KCTD15: variants seen among roughly 807,000 people sequenced by gnomAD.
The protein encoded by KCTD15 is potassium channel tetramerization domain containing 15, also known as BTB/POZ domain-containing protein KCTD15.
A neutral mutation model predicts 27.2 loss-of-function variants in KCTD15; 11 were observed. The observed-to-expected ratio is 0.41, with a 90% CI of 0.25 to 0.67. The LOEUF (loss-of-function observed/expected upper bound fraction) is 0.67. Among genes scored for constraint, KCTD15 ranks in the 30% least tolerant of loss-of-function variants. KCTD15 has a pLI of 0.35. For synonymous variants in KCTD15, 163 were observed against 176.0 expected, an observed-to-expected ratio of 0.93 and a Z score of 0.58; for missense variants, 350 against 409.3, an observed-to-expected ratio of 0.86 and a Z score of 1.25.
intron 2 of KCTD15, among the ~76,000 whole-genome samples, chr19:33,799,910 C>T (rs983875180): frequency 5.3e-5 from 8 of 152,130 alleles, no homozygotes; most frequent in African/African-American, 1.9e-4. Flanking sequence ...TGAACGGCTT[C>T]CCTGTGTCTG....
rs537203646 is a variant in KCTD15, at chr19:33,810,699, G to GA, written c.388-539dup. 8.7e-3 allele frequency among the ~76,000 whole-genome samples: 1,284 copies of GA among 148,350 alleles called. 18 individuals carry two copies. Among genetic ancestry groups the GA allele is most frequent in the African/African-American group, 0.03 (1,221 of 40,076 alleles). ...ACAAAAAAAAAAAACAAAAAAAAAC[G>GA]AAAAAAAAACCAAGAGGCTCAGTTA... On this transcript the variant is annotated intron_variant, in intron 5 of 6. Transcript: ENST00000683859.
chr19:33,797,265 TGTGTGTGTGTGTGTGTGTGC>T (rs1333778601), intron 1 of KCTD15: 14 of 294,588 alleles, frequency 4.8e-5, no homozygotes, highest in Non-Finnish European at 7.3e-5. Context: ...TGTGTGTGTG[TGTGTGTGTGTGTGTGTGTGC>T]GCGCGCGCGC....
chr19:33,807,274 T>C (rs1975742762), intron 5 of KCTD15, among the ~76,000 whole-genome samples: 1 of 152,264 alleles, frequency 6.6e-6, no homozygotes, highest in South Asian at 2.1e-4. Context: ...GCCAGCGTTA[T>C]AGTAGTTAGA....
intron 4 of KCTD15, among the ~76,000 whole-genome samples, chr19:33,806,222 C>T (rs888198784): frequency 1.3e-5 from 2 of 151,936 alleles, no homozygotes; most frequent in African/African-American, 2.4e-5. Flanking sequence ...CCTGAGTGAG[C>T]GGCAGTAGGG....
At chr19:33,811,177 T>TA in intron 5 of KCTD15, 70 bp from the exon 6 acceptor site, 9 of 786,082 alleles carry the variant, frequency 1.1e-5, no homozygotes, top group East Asian at 6.5e-5. Flanking sequence ...GCAGGCCGCC[T>TA]CCCCTCTCCC....
At chr19:33,810,513 C>G (rs77108632) in intron 5 of KCTD15, among the ~76,000 whole-genome samples, 2 of 151,994 alleles carry the variant, frequency 1.3e-5, no homozygotes, top group African/African-American at 2.4e-5. Flanking sequence ...AACCCCATCT[C>G]TACTAAAAAC....
rs1445933303 is a variant in KCTD15, at chr19:33,813,340, T to G, written c.*392T>G. On this transcript the variant is annotated 3_prime_UTR_variant, in exon 7 of 7. Coordinates refer to ENST00000683859, the MANE Select transcript of KCTD15 (RefSeq NM_001129994.2). ...GCAGACTCTGGCGGGTCTCCTAGCG[T>G]CCGAGAGATGGCTTATTTTCTACAG... is the stretch of plus-strand genomic sequence containing the variant. 2 of 468,804 alleles carry G rather than the reference T, an allele frequency of 4.3e-6. No homozygotes were observed. Among genetic ancestry groups the G allele is most frequent in the Non-Finnish European group, 8.1e-6 (2 of 247,532 alleles). 29.0% of individuals were successfully genotyped at this position (468,804 alleles called of 1,614,324 possible).
chr19:33,809,153 T>C (rs141587255), intron 5 of KCTD15, among the ~76,000 whole-genome samples: 3,005 of 152,148 alleles, frequency 0.02, 48 homozygotes, highest in Non-Finnish European at 0.032. Flanking sequence ...GGTGTGCACC[T>C]GTAGTCCCAG....
chr19:33,800,305 G>C, intron 2 of KCTD15, 123 bp from the exon 3 acceptor site: 1 of 740,282 alleles, frequency 1.4e-6, no homozygotes, highest in South Asian at 1.7e-5. Flanking sequence ...AATCAGGGAG[G>C]GCTGCATGGA....
Position 33,798,088 on chromosome 19 carries a change from GA to G in KCTD15, c.-126-579del, listed in dbSNP as rs1275410606. Among the ~76,000 whole-genome samples, 245 of 151,688 alleles carry G rather than the reference GA, an allele frequency of 1.6e-3. 1 individual carries two copies. Among genetic ancestry groups the G allele is most frequent in the African/African-American group, 4.4e-3 (183 of 41,204 alleles). On this transcript the variant is annotated intron_variant, in intron 1 of 6. Coordinates refer to ENST00000683859, the MANE Select transcript of KCTD15 (RefSeq NM_001129994.2). Reference sequence around the variant, plus strand: ...CCGGCTGGCTCCGCGGCGGAGGCGGGAGGGGGGGGGTGGGGAGGCTGGCGCG... The same window carrying G: ...CCGGCTGGCTCCGCGGCGGAGGCGGGGGGGGGGGGTGGGGAGGCTGGCGCG...
At chr19:33,812,347 C>G (rs1039550804) in intron 6 of KCTD15, 5 of 1,022,288 alleles carry the variant, frequency 4.9e-6, no homozygotes, top group Non-Finnish European at 4.7e-6. Flanking sequence ...ACCTGGAATG[C>G]ACAGCTCAGG....
chr19:33,807,522 G>A (rs1359080452), intron 5 of KCTD15, among the ~76,000 whole-genome samples: 3 of 152,226 alleles, frequency 2.0e-5, no homozygotes, highest in African/African-American at 7.2e-5. Flanking sequence ...AGGAGTTTGA[G>A]ACCAGCCTGG....
intron 4 of KCTD15, 61 bp from the exon 5 acceptor site, chr19:33,806,802 G>C: frequency 6.3e-7 from 1 of 1,580,934 alleles, no homozygotes; most frequent in South Asian, 1.1e-5. Context: ...GGCGGGGTGT[G>C]GGAAGACAGG....
At chr19:33,807,960 A>T (rs1394103192) in intron 5 of KCTD15, among the ~76,000 whole-genome samples, 1 of 150,910 alleles carries the variant, frequency 6.6e-6, no homozygotes, top group African/African-American at 2.5e-5. Flanking sequence ...AAAAAAAAAA[A>T]TCTGTTCTGT....
At chr19:33,805,731 T>A (rs1397307049) in intron 4 of KCTD15, among the ~76,000 whole-genome samples, 1 of 152,144 alleles carries the variant, frequency 6.6e-6, no homozygotes, top group Non-Finnish European at 1.5e-5. Context: ...TCCCTCCTGT[T>A]CCCAAACCAA....
intron 2 of KCTD15, among the ~76,000 whole-genome samples, chr19:33,799,224 G>A (rs988935852): frequency 6.6e-6 from 1 of 152,104 alleles, no homozygotes; most frequent in African/African-American, 2.4e-5. Context: ...GGGCACTCAG[G>A]GAGAGCAACC....
rs757561501 is a variant in KCTD15, at chr19:33,797,283, TGCGCGCGC to T, written c.-127+309_-127+316del. The T allele has an allele frequency of 6.3e-4, 76 of 120,596 alleles. 10 individuals are homozygous for T. Among genetic ancestry groups the T allele is most frequent in the South Asian group, 1.1e-3 (17 of 15,472 alleles). The allele number at this position is 120,596 out of a possible 1,614,324, so 7.5% of individuals were successfully genotyped here. On this transcript the variant is annotated intron_variant, in intron 1 of 6. Transcript: ENST00000683859. ...GTGTGTGTGTGTGTGTGTGTGTGTG[TGCGCGCGC>T]GCGCGCGCGCGCTTGTGGAGGTCCC...
rs1046242140 is a variant in KCTD15 at position 33,813,576 on chromosome 19, T to C, written c.*628T>C. The C allele has an allele frequency of 5.6e-6, 2 of 356,556 alleles. No homozygotes were observed. The highest frequency in any genetic ancestry group is 1.1e-5 in the Non-Finnish European group (2 of 181,504). 22.1% of individuals were successfully genotyped at this position (356,556 alleles called of 1,614,324 possible). On this transcript the variant is annotated 3_prime_UTR_variant, in exon 7 of 7. Coordinates refer to ENST00000683859, the MANE Select transcript of KCTD15 (RefSeq NM_001129994.2). The stretch of plus-strand genomic sequence containing the variant: ...TGCAGGGCTGCTGGGAGGAGAGTGG[T>C]GGGGGCCTGAGGGCTGAGTGATTCT...
chr19:33,810,485 G>T (rs1307481541), intron 5 of KCTD15, among the ~76,000 whole-genome samples: 9 of 152,156 alleles, frequency 5.9e-5, no homozygotes. Context: ...TTCAAGACCA[G>T]CCTGGCCAAC....
Sources: allele counts gnomAD v4.1 joint callset (sites outside exome capture counted in the v4.1 genomes callset), GRCh38; gene constraint gnomAD v4.1.1; transcripts MANE v1.5; gene names NCBI Gene and HGNC (gene_info 2026-07-23, HGNC 2026-07-21).